The following NWD1 variants were observed in gnomAD, a reference collection of about 807,000 sequenced individuals.
NWD1 encodes NACHT and WD repeat domain containing 1.
In NWD1, 129 loss-of-function variants were observed where a neutral mutation model predicts 135.1. The observed-to-expected ratio is 0.96, with a 90% confidence interval of 0.83 to 1.11. The LOEUF (loss-of-function observed/expected upper bound fraction) is 1.11. Among genes scored for constraint, NWD1 ranks in the 50% least tolerant of loss-of-function variants. The pLI, the probability that NWD1 is intolerant of heterozygous loss-of-function variation, is 0.00. For missense variants in NWD1, 1,740 were observed against 1,851.3 expected, an observed-to-expected ratio of 0.94 and a Z score of 1.10; for synonymous variants, 773 against 786.0, an observed-to-expected ratio of 0.98 and a Z score of 0.28.
chr19:16,743,265 C>A (rs1333776844), intron 4 of NWD1, among the ~76,000 whole-genome samples: 1 of 151,242 alleles, frequency 6.6e-6, no homozygotes, highest in African/African-American at 2.4e-5. Flanking sequence ...GGCTGGAGTG[C>A]AGTGGTGCGA....
intron 3 of NWD1, 122 bp from the exon 4 acceptor site, chr19:16,736,512 C>T (rs993932615): frequency 1.2e-5 from 8 of 660,034 alleles, no homozygotes; most frequent in Non-Finnish European, 1.9e-5. Flanking sequence ...TCCAGACATC[C>T]CCCTACAGGA....
intron 18 of NWD1, among the ~76,000 whole-genome samples, chr19:16,810,457 A>AAT (rs56181769): frequency 1.0e-4 from 15 of 149,260 alleles, no homozygotes; most frequent in African/African-American, 3.5e-4. Context: ...AAAAAAAAAA[A>AAT]GAAAGAAAAA....
chr19:16,725,677 C>T (rs1469675711), intron 2 of NWD1, among the ~76,000 whole-genome samples: 2 of 151,636 alleles, frequency 1.3e-5, no homozygotes, highest in East Asian at 3.9e-4. Flanking sequence ...CTCAGCCTCC[C>T]AAGTAGCTGG....
At chr19:16,809,793 G>A (rs951357035) in intron 18 of NWD1, among the ~76,000 whole-genome samples, 1 of 151,352 alleles carries the variant, frequency 6.6e-6, no homozygotes, top group South Asian at 2.1e-4. Flanking sequence ...TCCTGACCTC[G>A]TGATCCGCCC....
In NWD1 at chr19:16,750,151, G is replaced by A. The variant is rs554081215; in HGVS notation, c.1509G>A (p.Met503Ile). Reference protein sequence around the residue: ...KPLSGNQGQQMIQLLLAAARR... With the variant: ...KPLSGNQGQQIIQLLLAAARR... ...TTTCCGGAAACCAAGGCCAGCAGAT[G>A]ATCCAACTCCTGCTGGCAGCTGCAA... The change falls in exon 6 of 19, where the codon ATG becomes ATA. Residue 503 changes from methionine to isoleucine, a missense_variant. Transcript: ENST00000524140. 5.6e-6 allele frequency: 9 copies of A among 1,613,758 alleles called. No individual in the cohort carries two copies. The African/African-American group carries it at 9.3e-5, about 17-fold the overall frequency.
chr19:16,776,160 C>G (rs1262197602), intron 11 of NWD1, among the ~76,000 whole-genome samples: 1 of 152,188 alleles, frequency 6.6e-6, no homozygotes, highest in Non-Finnish European at 1.5e-5. Flanking sequence ...TTTCTCATCT[C>G]TGGGGCAGGG....
intron 7 of NWD1, among the ~76,000 whole-genome samples, chr19:16,761,514 G>A (rs8110657): frequency 0.044 from 6,696 of 151,744 alleles, 482 homozygotes; most frequent in African/African-American, 0.15. Context: ...ACACCACCAC[G>A]CCCAGCTAAT....
intron 17 of NWD1, among the ~76,000 whole-genome samples, chr19:16,806,994 A>G (rs1433551183): frequency 6.6e-6 from 1 of 151,642 alleles, no homozygotes; most frequent in Non-Finnish European, 1.5e-5. Context: ...TCCAGCCTGG[A>G]CAACGAAGCC....
Position 16,791,466 on chromosome 19 carries a change from C to T in NWD1, c.3057C>T (p.Ser1019=), listed in dbSNP as rs1301176193. 1 of 1,614,104 alleles carries T rather than the reference C, an allele frequency of 6.2e-7. No individual in the cohort carries two copies. Among genetic ancestry groups the T allele is most frequent in the Non-Finnish European group, 8.5e-7 (1 of 1,180,016 alleles). ...CCCAGGCCACACTGCTGACAGTGTC[C>T]AGGGATGGTGTGGTCAGTCTGTGGA... ...LASQATLLTV[S]RDGVVSLWSS... is the part of the protein sequence containing the mutation. Residue 1019 remains serine, a synonymous_variant, in exon 14 of 19, where the codon TCC becomes TCT. Coordinates refer to ENST00000524140, the MANE Select transcript of NWD1 (RefSeq NM_001007525.5).
rs114371613 is a variant in NWD1 at position 16,789,053 on chromosome 19, C to A, written c.2803C>A (p.His935Asn). 1,744 of 1,613,316 alleles carry A rather than the reference C, an allele frequency of 1.1e-3. 21 individuals carry two copies. The African/African-American group carries it at 0.021, about 19-fold the overall frequency. Residue 935 changes from histidine (H) to asparagine (N), a missense_variant, in exon 13 of 19, where the codon CAC (histidine) becomes AAC (asparagine). Coordinates refer to ENST00000524140, the MANE Select transcript of NWD1 (RefSeq NM_001007525.5). ...ANSASKDYTL[H>N]LWNLLSGQEK... ...CTCTGCTTCAAAGGATTACACGCTGCACTTGTGGAACTTACTCTCTGGCCA... is the reference window on the plus strand; with the variant it reads ...CTCTGCTTCAAAGGATTACACGCTGAACTTGTGGAACTTACTCTCTGGCCA...
chr19:16,779,383 G>A lies in NWD1; in HGVS notation c.2649G>A (p.Leu883=), dbSNP rs1228111438. The part of the protein sequence containing the change: ...AMAWGVEEKL[L]VIGTQDGIMA... ...CATGGGGTGTGGAGGAGAAGCTGCT[G>A]GTGATTGGCACCCAGGATGGCATCA... The change falls in exon 12 of 19, where the codon CTG becomes CTA. Residue 883 remains leucine (L), a synonymous_variant. Transcript: ENST00000524140. 1 of 1,613,916 alleles carries A rather than the reference G, an allele frequency of 6.2e-7. No individual in the cohort carries two copies.
rs1019297372 is a variant in NWD1 at position 16,731,069 on chromosome 19, T to C, written c.-6-123T>C. ...GACCAGCCTGGGCAACATAGCGAGA[T>C]CCCATTCTCCACAAAAAAGGGGAAA... On this transcript the variant is annotated intron_variant, in intron 2 of 18. Transcript: ENST00000524140. 6 of 577,304 alleles carry C rather than the reference T, an allele frequency of 1.0e-5. No homozygotes were observed. In the Admixed American group the frequency reaches 1.8e-4, roughly 17 times the overall value. The allele number at this position is 577,304 out of a possible 1,614,324, so 35.8% of individuals were successfully genotyped here.
At chr19:16,801,839 A>AGTG (rs909160811) in intron 17 of NWD1, 3 of 152,212 alleles carry the variant, frequency 2.0e-5, no homozygotes, top group Admixed American at 1.3e-4. Context: ...CTGGCAAGGC[A>AGTG]GTGGTGGTGG....
intron 1 of NWD1, among the ~76,000 whole-genome samples, chr19:16,720,852 C>G (rs989419546): frequency 6.6e-6 from 1 of 151,662 alleles, no homozygotes; most frequent in East Asian, 1.9e-4. Flanking sequence ...CGCACCTGGC[C>G]GAGACTTTTT....
chr19:16,798,153 G>A (rs995540951), intron 16 of NWD1, among the ~76,000 whole-genome samples: 9 of 152,114 alleles, frequency 5.9e-5, no homozygotes, highest in African/African-American at 1.9e-4. Context: ...AGTGGAGCAG[G>A]GTTGTGGGGG....
intron 2 of NWD1, among the ~76,000 whole-genome samples, chr19:16,730,501 C>G (rs1411188143): frequency 1.3e-5 from 2 of 151,930 alleles, no homozygotes; most frequent in Non-Finnish European, 2.9e-5. Flanking sequence ...ATTGCTTGAG[C>G]CTAGGAGTCT....
chr19:16,732,171 C>A (rs890357621), intron 3 of NWD1, among the ~76,000 whole-genome samples: 1 of 143,194 alleles, frequency 7.0e-6, no homozygotes, highest in African/African-American at 2.6e-5. Flanking sequence ...GAGCTGAGAT[C>A]AAGCCACTGT....
Position 16,759,216 on chromosome 19 carries a change from T to C in NWD1, c.1770-9T>C, listed in dbSNP as rs766547486. The C allele has an allele frequency of 4.3e-6, 7 of 1,611,162 alleles. No homozygotes were observed. The South Asian group carries it at 7.7e-5, about 18-fold the overall frequency. On this transcript the variant is annotated splice_polypyrimidine_tract_variant and intron_variant, in intron 6 of 18. Transcript: ENST00000524140. Reference sequence around the variant, plus strand: ...ATGTGCCTCAAAGCCCCACTGGTCCTCCCTTCAGACACGGTCTCTCGGAGG... The same window carrying C: ...ATGTGCCTCAAAGCCCCACTGGTCCCCCCTTCAGACACGGTCTCTCGGAGG...
intron 17 of NWD1, among the ~76,000 whole-genome samples, chr19:16,806,686 G>A (rs1300624640): frequency 2.0e-5 from 3 of 151,276 alleles, no homozygotes; most frequent in Admixed American, 6.6e-5. Context: ...ACTCCAGCCC[G>A]GGCAACAGAG....
Sources: allele counts gnomAD v4.1 joint callset (sites outside exome capture counted in the v4.1 genomes callset), GRCh38; gene constraint gnomAD v4.1.1; transcripts MANE v1.5; gene names NCBI Gene and HGNC (gene_info 2026-07-23, HGNC 2026-07-21).